NYAP2: variants seen among roughly 807,000 people sequenced by gnomAD.
NYAP2 encodes neuronal tyrosine-phosphorylated phosphoinositide-3-kinase adapter 2.
NYAP2 carries 23 observed loss-of-function variants against 50.4 expected under a neutral mutation model. That is an observed-to-expected ratio of 0.46 (90% CI 0.33 to 0.65). The LOEUF is 0.65. Ranked by LOEUF, NYAP2 falls within the 30% of genes least tolerant of loss-of-function variation. The pLI is 0.02. For synonymous variants in NYAP2, 394 were observed against 365.2 expected (o/e 1.08, Z -0.90); for missense variants, 885 against 861.0 (o/e 1.03, Z -0.35).
the NYAP2 span, among the ~76,000 whole-genome samples, chr2:225,665,807 T>TGAAAAA: frequency 9.5e-5 from 2 of 20,996 alleles, 1 homozygote; most frequent in Non-Finnish European, 1.7e-4. Flanking sequence ...AGCCTCCGTC[T>TGAAAAA]AAAAAAAAAA....
At chr2:225,600,091 C>A (rs1692669496) in intron 5 of NYAP2, among the ~76,000 whole-genome samples, 1 of 152,134 alleles carries the variant, frequency 6.6e-6, no homozygotes, top group African/African-American at 2.4e-5. Flanking sequence ...TCAGATCAGT[C>A]TCTCCAAGCA....
intron 3 of NYAP2, among the ~76,000 whole-genome samples, chr2:225,476,804 A>T (rs1284834199): frequency 6.6e-6 from 1 of 152,216 alleles, no homozygotes; most frequent in Non-Finnish European, 1.5e-5. Flanking sequence ...TAACTTTAAG[A>T]TACAGATAAT....
At chr2:225,651,862 C>A in exon 7 of NYAP2, 1 of 257,348 alleles carries the variant, frequency 3.9e-6, no homozygotes, top group Non-Finnish European at 7.3e-6. Context: ...TTTTTAAATT[C>A]TTTCTCTCTT....
chr2:225,627,927 G>C (rs1225426017), intron 6 of NYAP2, among the ~76,000 whole-genome samples: 1 of 152,268 alleles, frequency 6.6e-6, no homozygotes, highest in Non-Finnish European at 1.5e-5. Context: ...CCAAAGAAAA[G>C]ACTAATCCTT....
chr2:225,613,061 G>T (rs1277467374), intron 5 of NYAP2, among the ~76,000 whole-genome samples: 1 of 152,168 alleles, frequency 6.6e-6, no homozygotes, highest in African/African-American at 2.4e-5. Flanking sequence ...TTATTTAGGA[G>T]AATTGACTCA....
chr2:225,623,678 G>T (rs867384532), intron 5 of NYAP2, among the ~76,000 whole-genome samples: 2 of 152,030 alleles, frequency 1.3e-5, no homozygotes, highest in East Asian at 3.8e-4. Context: ...CACCAAGTTC[G>T]ACCAAAGCAA....
intron 6 of NYAP2, among the ~76,000 whole-genome samples, chr2:225,644,813 G>A (rs1299975847): frequency 6.6e-6 from 1 of 150,888 alleles, no homozygotes; most frequent in Non-Finnish European, 1.5e-5. Context: ...CTCTGTTTTG[G>A]TACCAGTACC....
At chr2:225,598,370 C>T (rs1482779382) in intron 5 of NYAP2, among the ~76,000 whole-genome samples, 1 of 152,072 alleles carries the variant, frequency 6.6e-6, no homozygotes, top group African/African-American at 2.4e-5. Flanking sequence ...TTCCAAAAAG[C>T]TATAGGTATT....
At chr2:225,476,485 A>G (rs919687484) in intron 3 of NYAP2, among the ~76,000 whole-genome samples, 2 of 152,154 alleles carry the variant, frequency 1.3e-5, no homozygotes, top group Non-Finnish European at 2.9e-5. Context: ...TCTATTTCTA[A>G]TGCCTTTACC....
chr2:225,496,938 C>T (rs1246082385), intron 3 of NYAP2, among the ~76,000 whole-genome samples: 1 of 151,728 alleles, frequency 6.6e-6, no homozygotes, highest in East Asian at 1.9e-4. Flanking sequence ...TTTTTAGATG[C>T]ATTGTGAGCA....
chr2:225,474,716 A>G (rs1281318810), intron 3 of NYAP2, among the ~76,000 whole-genome samples: 1 of 152,196 alleles, frequency 6.6e-6, no homozygotes. Context: ...TTGGGCTGAG[A>G]TGATGGGGTT....
At chr2:225,581,761 A>C (rs1227317432) in intron 4 of NYAP2, among the ~76,000 whole-genome samples, 180 bp from the exon 5 acceptor site, 2 of 152,220 alleles carry the variant, frequency 1.3e-5, no homozygotes, top group African/African-American at 4.8e-5. Flanking sequence ...TTCTGCCATC[A>C]GGTTTTCTAA....
intron 3 of NYAP2, among the ~76,000 whole-genome samples, chr2:225,491,461 C>A (rs1391793256): frequency 6.6e-6 from 1 of 152,118 alleles, no homozygotes; most frequent in African/African-American, 2.4e-5. Flanking sequence ...ATTATGGATT[C>A]TAAATCAGAG....
intron 6 of NYAP2, among the ~76,000 whole-genome samples, chr2:225,651,011 G>T (rs1268014175): frequency 1.3e-5 from 2 of 152,236 alleles, no homozygotes; most frequent in African/African-American, 4.8e-5. Flanking sequence ...AGTATTCATG[G>T]AAGGAAGGAA....
intron 4 of NYAP2, among the ~76,000 whole-genome samples, chr2:225,521,740 T>C (rs1027526526): frequency 6.6e-6 from 1 of 152,026 alleles, no homozygotes; most frequent in Admixed American, 6.6e-5. Flanking sequence ...ATTCTCTTTT[T>C]TGGTTGTGTC....
rs115740892 is a variant in NYAP2 at position 225,512,224 on chromosome 2, A to G, written c.222-1147A>G. 9.6e-3 allele frequency among the ~76,000 whole-genome samples: 1,464 copies of G among 152,264 alleles called. 23 individuals carry two copies. The highest frequency in any genetic ancestry group is 0.033 in the African/African-American group (1,384 of 41,556). On this transcript the variant is annotated intron_variant, in intron 3 of 6. Coordinates refer to ENST00000636099, the Ensembl canonical transcript of NYAP2. Reference sequence around the variant, plus strand: ...CTTATATTTTAATATTTTTGTTCAAACTTTCCTATGTAAAACTTAAGAACC... The same window carrying G: ...CTTATATTTTAATATTTTTGTTCAAGCTTTCCTATGTAAAACTTAAGAACC...
intron 5 of NYAP2, among the ~76,000 whole-genome samples, chr2:225,593,404 C>T (rs557334665): frequency 2.8e-4 from 42 of 152,218 alleles, no homozygotes; most frequent in African/African-American, 8.9e-4. Flanking sequence ...AAAGGGAGGA[C>T]CCCCTTCCTC....
chr2:225,620,276 A>G (rs933498664), intron 5 of NYAP2, among the ~76,000 whole-genome samples: 4 of 152,188 alleles, frequency 2.6e-5, no homozygotes, highest in African/African-American at 9.7e-5. Flanking sequence ...TCCACTTTCA[A>G]TTTGTCTCTT....
At chr2:225,571,657 G>C (rs1692076225) in intron 4 of NYAP2, among the ~76,000 whole-genome samples, 1 of 152,198 alleles carries the variant, frequency 6.6e-6, no homozygotes, top group Non-Finnish European at 1.5e-5. Flanking sequence ...CCTGGCTCCA[G>C]CCCATAAAAC....
Sources: gnomAD v4.1 joint callset for allele counts (sites outside exome capture counted in the v4.1 genomes callset) on GRCh38, gnomAD v4.1.1 for gene constraint, MANE v1.5 for transcripts, NCBI Gene and HGNC (gene_info 2026-07-23, HGNC 2026-07-21) for gene names.